Variants in FARP1 observed in about 807,000 individuals in gnomAD.
FARP1 encodes FERM, ARH/RhoGEF and pleckstrin domain protein 1.
A neutral mutation model predicts 128.8 loss-of-function variants in FARP1; 52 were observed. The ratio of observed to expected loss-of-function variants is 0.40; its 90% CI spans 0.32 to 0.51. FARP1 has a LOEUF of 0.51. FARP1 is among the 20% of genes least tolerant of loss of function. The probability of loss-of-function intolerance (pLI) is 0.45; values close to 1 mark genes in which losing one functional copy is unlikely to be tolerated. For synonymous variants in FARP1, 580 were observed against 551.8 expected, an observed-to-expected ratio of 1.05 and a Z score of -0.72; for missense variants, 1,333 against 1,367.9, an observed-to-expected ratio of 0.97 and a Z score of 0.40.
At chr13:98,345,295 C>T (rs1010908205) in intron 3 of FARP1, among the ~76,000 whole-genome samples, 4 of 152,174 alleles carry the variant, frequency 2.6e-5, no homozygotes, top group African/African-American at 7.2e-5. Flanking sequence ...AACCAGAAAT[C>T]GGCAGCAGTG....
intron 1 of FARP1, among the ~76,000 whole-genome samples, chr13:98,182,097 C>G (rs1878573535): frequency 6.6e-6 from 1 of 151,882 alleles, no homozygotes; most frequent in African/African-American, 2.4e-5. Flanking sequence ...ATAGAACTGA[C>G]CTATGCTCCC....
chr13:98,285,686 C>G (rs139831115), intron 2 of FARP1, among the ~76,000 whole-genome samples: 1 of 152,224 alleles, frequency 6.6e-6, no homozygotes, highest in Admixed American at 6.5e-5. Flanking sequence ...AGCATTCAAA[C>G]GACTCTCTTC....
chr13:98,260,205 A>C (rs1883809693), intron 2 of FARP1, among the ~76,000 whole-genome samples: 1 of 152,160 alleles, frequency 6.6e-6, no homozygotes, highest in African/African-American at 2.4e-5. Context: ...CAGTCTGCTT[A>C]TAATTCTAGG....
At chr13:98,390,260 A>C in intron 10 of FARP1, 140 bp downstream of exon 10, 1 of 894,496 alleles carries the variant, frequency 1.1e-6, no homozygotes, top group South Asian at 1.7e-5. Flanking sequence ...GGGCGCTTGT[A>C]TCTTAATCCC....
chr13:98,279,070 C>G (rs1483872986), intron 2 of FARP1, among the ~76,000 whole-genome samples: 3 of 151,280 alleles, frequency 2.0e-5, no homozygotes, highest in East Asian at 3.9e-4. Context: ...CTCCTGACCT[C>G]GTTATCTGCC....
intron 5 of FARP1, among the ~76,000 whole-genome samples, chr13:98,373,358 C>A (rs953791494): frequency 6.6e-6 from 1 of 151,912 alleles, no homozygotes; most frequent in African/African-American, 2.4e-5. Context: ...AAACATGAAG[C>A]CCTCCTATTT....
intron 2 of FARP1, among the ~76,000 whole-genome samples, chr13:98,312,289 C>G (rs1305880703): frequency 1.3e-5 from 2 of 151,846 alleles, no homozygotes; most frequent in African/African-American, 4.8e-5. Flanking sequence ...TACAGGCGCC[C>G]GCTACCACGC....
At chr13:98,367,425 A>G (rs1889136754) in intron 4 of FARP1, among the ~76,000 whole-genome samples, 1 of 152,080 alleles carries the variant, frequency 6.6e-6, no homozygotes, top group Non-Finnish European at 1.5e-5. Flanking sequence ...CTGGCATGAC[A>G]GGTGTGAGCC....
chr13:98,168,910 T>C (rs1877463839), intron 1 of FARP1, among the ~76,000 whole-genome samples: 1 of 152,224 alleles, frequency 6.6e-6, no homozygotes, highest in African/African-American at 2.4e-5. Context: ...TCACCCAATG[T>C]GGTTTGCAGT....
At chr13:98,266,543 C>T (rs1469264229) in intron 2 of FARP1, among the ~76,000 whole-genome samples, 1 of 152,192 alleles carries the variant, frequency 6.6e-6, no homozygotes, top group African/African-American at 2.4e-5. Context: ...TACTTACTTG[C>T]TCTGCCAAGA....
Position 98,155,073 on chromosome 13 carries a change from G to A in FARP1, c.-24+11581G>A, listed in dbSNP as rs577510847. Among the ~76,000 whole-genome samples the A allele has an allele frequency of 5.9e-5, 9 of 152,290 alleles. No individual in the cohort carries two copies. In the South Asian group the frequency reaches 1.4e-3, roughly 25 times the overall value. On this transcript the variant is annotated intron_variant, in intron 1 of 26. Transcript: ENST00000319562. ...TTGAAAAAGTCAACTGGGGCCGGGC[G>A]TGGTGGCTCACGCCTGTAATCCCAG...
intron 2 of FARP1, chr13:98,245,048 A>C: frequency 9.5e-7 from 1 of 1,051,444 alleles, no homozygotes; most frequent in Non-Finnish European, 1.1e-6. Context: ...GATTTGGTTT[A>C]TTGCTAGTGC....
chr13:98,306,850 T>C (rs1231861957), intron 2 of FARP1, among the ~76,000 whole-genome samples: 1 of 152,212 alleles, frequency 6.6e-6, no homozygotes, highest in Non-Finnish European at 1.5e-5. Flanking sequence ...GTGCTCTTTA[T>C]ACCATACCAC....
chr13:98,150,712 A>T (rs1017008974), intron 1 of FARP1, among the ~76,000 whole-genome samples: 1 of 152,208 alleles, frequency 6.6e-6, no homozygotes, highest in Non-Finnish European at 1.5e-5. Context: ...CTGGATGGCG[A>T]TGGAACACTT....
At position 98,439,206 on chromosome 13, in the gene FARP1, G is replaced by C; in HGVS notation, c.2433+10G>C. 1 of 1,596,740 alleles carries C rather than the reference G, an allele frequency of 6.3e-7. No individual in the cohort carries two copies. Among genetic ancestry groups the C allele is most frequent in the Non-Finnish European group, 8.6e-7 (1 of 1,167,688 alleles). On this transcript the variant is annotated intron_variant, in intron 21 of 26. Transcript: ENST00000319562. ...GCTCTATGGCATGACGGTGAGTACAGCACAGGCTCGTGGCCAGGGCCTGTC... is the reference window on the plus strand; with the variant it reads ...GCTCTATGGCATGACGGTGAGTACACCACAGGCTCGTGGCCAGGGCCTGTC...
chr13:98,340,261 TAA>T (rs1887910692), intron 2 of FARP1, among the ~76,000 whole-genome samples: 1 of 152,220 alleles, frequency 6.6e-6, no homozygotes, highest in African/African-American at 2.4e-5. Context: ...TAGGAAATGT[TAA>T]GAGTTATGAG....
At chr13:98,353,238 C>T (rs1888508965) in intron 3 of FARP1, among the ~76,000 whole-genome samples, 1 of 152,148 alleles carries the variant, frequency 6.6e-6, no homozygotes, top group South Asian at 2.1e-4. Context: ...TGAAACTCTG[C>T]ATAGTGGTTA....
chr13:98,201,469 G>C (rs1217634541), intron 1 of FARP1, among the ~76,000 whole-genome samples: 1 of 152,192 alleles, frequency 6.6e-6, no homozygotes, highest in African/African-American at 2.4e-5. Context: ...AACGGCAAAA[G>C]CTTAGTGCCA....
rs769807371 is a variant in FARP1 at position 98,393,770 on chromosome 13, C to T, written c.1164+52C>T. The stretch of plus-strand genomic sequence containing the variant: ...ACTCTGCTTTTCCCCACACTTCCTC[C>T]ACGGAGCCCTGGGCTTCAGAGCGGG... On this transcript the variant is annotated intron_variant, in intron 12 of 26. Transcript: ENST00000319562. 2.2e-6 allele frequency: 3 copies of T among 1,385,786 alleles called. No homozygotes were observed. In the South Asian group the frequency reaches 3.6e-5, roughly 16 times the overall value. 85.8% of individuals were successfully genotyped at this position (1,385,786 alleles called of 1,614,324 possible). A position where few individuals can be genotyped will look rare whatever the true frequency, so the allele number is the denominator to read the frequency against.
Sources: allele counts gnomAD v4.1 joint callset (sites outside exome capture counted in the v4.1 genomes callset), GRCh38; gene constraint gnomAD v4.1.1; transcripts MANE v1.5; gene names NCBI Gene and HGNC (gene_info 2026-07-23, HGNC 2026-07-21).